HTR2C: variants seen among roughly 807,000 people sequenced by gnomAD.
HTR2C encodes 5-hydroxytryptamine receptor 2C.
In HTR2C, 5 loss-of-function variants were observed where a neutral mutation model predicts 21.0. The ratio of observed to expected loss-of-function variants is 0.24; its 90% CI spans 0.12 to 0.50. The LOEUF is 0.50. Ranked by LOEUF, HTR2C falls within the 20% of genes least tolerant of loss-of-function variation. The pLI, the probability that HTR2C is intolerant of heterozygous loss-of-function variation, is 0.98. For missense variants in HTR2C, 271 were observed against 371.2 expected (o/e 0.73, Z 2.22); for synonymous variants, 150 against 145.3 (o/e 1.03, Z -0.23).
intron 2 of HTR2C, among the ~76,000 whole-genome samples, chrX:114,709,542 T>C (rs781834047): frequency 8.9e-6 from 1 of 112,261 alleles, no homozygotes; most frequent in Non-Finnish European, 1.9e-5. Context: ...AGAAAGCAAC[T>C]GTGAGATTTA....
intron 4 of HTR2C, among the ~76,000 whole-genome samples, chrX:114,805,931 T>C: frequency 4.4e-5 from 2 of 45,679 alleles, no homozygotes; most frequent in East Asian, 2.3e-3. Context: ...ATATACACCA[T>C]ATATATACCA....
At chrX:114,846,296 G>T (rs34837198) in intron 4 of HTR2C, among the ~76,000 whole-genome samples, 512 of 111,783 alleles carry the variant, frequency 4.6e-3, no homozygotes, top group Admixed American at 7.4e-3. Context: ...AATAGAAGAT[G>T]AAGAAACATT....
chrX:114,757,104 A>G (rs1327960797), intron 4 of HTR2C, among the ~76,000 whole-genome samples: 2 of 110,948 alleles, frequency 1.8e-5, no homozygotes, highest in Admixed American at 1.9e-4. Flanking sequence ...TTGGCAGCAG[A>G]AAATAGATAT....
At chrX:114,839,085 T>C (rs1186567522) in intron 4 of HTR2C, among the ~76,000 whole-genome samples, 2 of 112,454 alleles carry the variant, frequency 1.8e-5, no homozygotes, top group Non-Finnish European at 3.8e-5. Flanking sequence ...GAAGAACTTC[T>C]CATGATGTAT....
At chrX:114,670,394 CAAAAAAA>C (rs35858180) in intron 2 of HTR2C, among the ~76,000 whole-genome samples, 1,107 of 63,514 alleles carry the variant, frequency 0.017, 22 homozygotes, top group African/African-American at 0.064. Flanking sequence ...TACTCTGTCT[CAAAAAAA>C]AAAAAAAAAA....
intron 5 of HTR2C, among the ~76,000 whole-genome samples, chrX:114,887,220 A>AT (rs1472933037): frequency 1.8e-5 from 2 of 111,499 alleles, no homozygotes; most frequent in East Asian, 5.6e-4. Flanking sequence ...CTGTAGAGGT[A>AT]TTTTTTTGTG....
chrX:114,799,498 CA>C (rs1269587029), intron 4 of HTR2C, among the ~76,000 whole-genome samples: 5 of 108,956 alleles, frequency 4.6e-5, no homozygotes, highest in East Asian at 2.9e-4. Flanking sequence ...ACTTTAATTA[CA>C]AAAAAAAGGT....
intron 4 of HTR2C, among the ~76,000 whole-genome samples, chrX:114,741,544 A>AAAAAAAAAAAAAAAAAAAAAAAAAAAAG (rs2069647863): frequency 1.1e-5 from 1 of 89,404 alleles, no homozygotes; most frequent in Non-Finnish European, 2.2e-5. Context: ...AAAAAAAAAA[A>AAAAAAAAAAAAAAAAAAAAAAAAAAAAG]AAAAATATGA....
intron 5 of HTR2C, among the ~76,000 whole-genome samples, chrX:114,852,014 T>C (rs183321343): frequency 1.5e-3 from 163 of 111,625 alleles, no homozygotes; most frequent in African/African-American, 4.5e-3. Context: ...ATTATTTATA[T>C]TTTCTATATC....
intron 1 of HTR2C, among the ~76,000 whole-genome samples, chrX:114,605,588 C>T (rs1928378271): frequency 9.0e-6 from 1 of 111,173 alleles, no homozygotes; most frequent in Non-Finnish European, 1.9e-5. Context: ...TTAGATTTTG[C>T]AGGATGGAAA....
chrX:114,590,270 A>G (rs1413789186), intron 1 of HTR2C, among the ~76,000 whole-genome samples: 1 of 112,184 alleles, frequency 8.9e-6, no homozygotes, highest in East Asian at 2.8e-4. Context: ...GGTTTTTAAA[A>G]ATTCAAAAAC....
intron 2 of HTR2C, among the ~76,000 whole-genome samples, chrX:114,656,553 G>C (rs781826422): frequency 4.5e-5 from 5 of 111,218 alleles, no homozygotes; most frequent in Non-Finnish European, 9.5e-5. Context: ...AACAGAAATA[G>C]AGAGTTTTTA....
chrX:114,587,464 A>T (rs1182816060), intron 1 of HTR2C, among the ~76,000 whole-genome samples: 1 of 111,956 alleles, frequency 8.9e-6, no homozygotes, highest in African/African-American at 3.2e-5. Context: ...CCTGGTAGCC[A>T]TGAGCAAACT....
In HTR2C at chrX:114,841,736, G is replaced by A. The variant is rs1443857255; in HGVS notation, c.350-6267G>A. On this transcript the variant is annotated intron_variant, in intron 4 of 5. Coordinates refer to ENST00000276198, the MANE Select transcript of HTR2C (RefSeq NM_000868.4). ...AGCCTGGGTGACAGAGTGAGACTCCGTCTCAAAAAAAAAAAAAAATTTTAC... is the reference window on the plus strand; with the variant it reads ...AGCCTGGGTGACAGAGTGAGACTCCATCTCAAAAAAAAAAAAAAATTTTAC... Among the ~76,000 whole-genome samples, 18 of 39,279 alleles carry A rather than the reference G, an allele frequency of 4.6e-4. No individual in the cohort carries two copies. The Admixed American group carries it at 8.3e-3, about 18-fold the overall frequency. The allele number at this position is 39,279 out of a possible 115,157, so 34.1% of individuals were successfully genotyped here.
chrX:114,716,378 AT>A (rs1363634236), intron 2 of HTR2C, among the ~76,000 whole-genome samples: 2 of 112,508 alleles, frequency 1.8e-5, no homozygotes, highest in African/African-American at 6.4e-5. Context: ...GAATTCGCAC[AT>A]AATTTAACAA....
At chrX:114,821,444 T>C (rs1472224480) in intron 4 of HTR2C, among the ~76,000 whole-genome samples, 1 of 111,778 alleles carries the variant, frequency 8.9e-6, no homozygotes, top group Non-Finnish European at 1.9e-5. Context: ...CATATTAATA[T>C]ATAATTTTAA....
intron 2 of HTR2C, among the ~76,000 whole-genome samples, chrX:114,636,073 T>G (rs1215467342): frequency 6.4e-5 from 7 of 109,075 alleles, no homozygotes; most frequent in Non-Finnish European, 1.1e-4. Context: ...CAATGGTTTT[T>G]TTTTTTTTTT....
At chrX:114,834,159 G>GA (rs1350061707) in intron 4 of HTR2C, among the ~76,000 whole-genome samples, 13 of 109,858 alleles carry the variant, frequency 1.2e-4, no homozygotes, top group African/African-American at 4.3e-4. Flanking sequence ...GTGTGGTGCT[G>GA]AAAAAAATGT....
At chrX:114,659,323 TAGA>T (rs1930901093) in intron 2 of HTR2C, among the ~76,000 whole-genome samples, 1 of 111,150 alleles carries the variant, frequency 9.0e-6, no homozygotes, top group South Asian at 3.8e-4. Flanking sequence ...TGTAGCATCA[TAGA>T]AGAATAATCA....
Sources: gnomAD v4.1 joint callset for allele counts (sites outside exome capture counted in the v4.1 genomes callset) on GRCh38, gnomAD v4.1.1 for gene constraint, MANE v1.5 for transcripts, NCBI Gene and HGNC (gene_info 2026-07-23, HGNC 2026-07-21) for gene names.